VAT1L: variants seen among roughly 807,000 people sequenced by gnomAD.
VAT1L encodes putative NADPH-dependent quinone oxidoreductase VAT1L.
VAT1L carries 34 observed loss-of-function variants against 44.1 expected under a neutral mutation model. That is an observed-to-expected ratio of 0.77 (90% CI 0.59 to 1.03). The LOEUF (loss-of-function observed/expected upper bound fraction) is 1.03. Ranked by LOEUF, VAT1L falls within the 50% of genes least tolerant of loss-of-function variation. The pLI, the probability that VAT1L is intolerant of heterozygous loss-of-function variation, is 0.00. For synonymous variants in VAT1L, 253 were observed against 202.2 expected (o/e 1.25, Z -2.13); for missense variants, 615 against 538.8 (o/e 1.14, Z -1.40).
intron 1 of VAT1L, among the ~76,000 whole-genome samples, chr16:77,816,150 A>T (rs2016350895): frequency 6.6e-6 from 1 of 152,014 alleles, no homozygotes; most frequent in Non-Finnish European, 1.5e-5. Context: ...AATCAAGTGT[A>T]TGGTTTTCCA....
intron 7 of VAT1L, among the ~76,000 whole-genome samples, chr16:77,954,390 G>A (rs1312307508): frequency 6.6e-6 from 1 of 152,178 alleles, no homozygotes; most frequent in African/African-American, 2.4e-5. Flanking sequence ...ACTTTAGGAA[G>A]CCCAGACAGG....
chr16:77,919,265 A>T lies in VAT1L; in HGVS notation c.1077+34463A>T, dbSNP rs76504848. 3.7e-3 allele frequency among the ~76,000 whole-genome samples: 557 copies of T among 152,344 alleles called. 4 individuals are homozygous for T. The highest frequency in any genetic ancestry group is 5.7e-3 in the Non-Finnish European group (391 of 68,034). On this transcript the variant is annotated intron_variant, in intron 7 of 8. Coordinates refer to ENST00000302536, the MANE Select transcript of VAT1L (RefSeq NM_020927.3). ...GCCCCTTGTGCTTCCTGATTTGCAAACCAGACCGGTGCCTTTCATTGACAG... is the reference window on the plus strand; with the variant it reads ...GCCCCTTGTGCTTCCTGATTTGCAATCCAGACCGGTGCCTTTCATTGACAG...
chr16:77,849,752 G>A (rs79498874), intron 3 of VAT1L, among the ~76,000 whole-genome samples: 1 of 152,140 alleles, frequency 6.6e-6, no homozygotes, highest in African/African-American at 2.4e-5. Context: ...TTCCCTACAA[G>A]ACTGACAGTT....
chr16:77,930,704 A>G (rs1162164710), intron 7 of VAT1L, among the ~76,000 whole-genome samples: 2 of 152,174 alleles, frequency 1.3e-5, no homozygotes, highest in African/African-American at 4.8e-5. Context: ...GAAAACCTTC[A>G]GTCTTCTTCC....
intron 3 of VAT1L, among the ~76,000 whole-genome samples, chr16:77,839,534 T>TCTA (rs1555513711): frequency 1.5e-3 from 13 of 8,576 alleles, no homozygotes; most frequent in Non-Finnish European, 2.2e-3. Flanking sequence ...ATACTCCATA[T>TCTA]CAAAAAAAAA....
intron 1 of VAT1L, among the ~76,000 whole-genome samples, chr16:77,808,764 T>A (rs547864826): frequency 6.6e-6 from 1 of 152,074 alleles, no homozygotes; most frequent in East Asian, 1.9e-4. Context: ...CCTGGCTAAT[T>A]TTTTGTATTT....
chr16:77,839,639 T>C (rs556278782), intron 3 of VAT1L, among the ~76,000 whole-genome samples: 12 of 126,722 alleles, frequency 9.5e-5, no homozygotes, highest in African/African-American at 3.7e-4. Flanking sequence ...AGAAGGAGAA[T>C]AGAGAAAGAA....
intron 4 of VAT1L, among the ~76,000 whole-genome samples, chr16:77,869,652 G>A (rs2017010056): frequency 6.6e-6 from 1 of 152,080 alleles, no homozygotes; most frequent in South Asian, 2.1e-4. Context: ...CTGGGCAACA[G>A]AACAAGACCC....
chr16:77,966,482 G>A (rs1172176256), intron 7 of VAT1L, among the ~76,000 whole-genome samples: 1 of 152,180 alleles, frequency 6.6e-6, no homozygotes, highest in Non-Finnish European at 1.5e-5. Flanking sequence ...AGAGCCCAGT[G>A]AACTTCAGAT....
At chr16:77,966,945 A>C (rs1346580754) in intron 7 of VAT1L, among the ~76,000 whole-genome samples, 1 of 150,636 alleles carries the variant, frequency 6.6e-6, no homozygotes, top group Non-Finnish European at 1.5e-5. Flanking sequence ...AAAAAAAAAA[A>C]AAAAAAAAAA....
In VAT1L at chr16:77,862,839, CTG is replaced by C. The variant is rs773806133; in HGVS notation, c.674_675del (p.Val225AspfsTer5). On this transcript the variant is annotated frameshift_variant, in exon 4 of 9. Coordinates refer to ENST00000302536, the MANE Select transcript of VAT1L (RefSeq NM_020927.3). LOFTEE classifies it high-confidence loss of function. ...TTCAAGCATGAAGCAATCAAAGACT[CTG>C]TGACCCACCTCTTTGACAGAAATGC... The C allele has an allele frequency of 5.0e-6, 8 of 1,614,056 alleles. No homozygotes were observed. The highest frequency in any genetic ancestry group is 6.8e-6 in the Non-Finnish European group (8 of 1,179,992).
At chr16:77,944,853 G>A (rs1597113770) in intron 7 of VAT1L, among the ~76,000 whole-genome samples, 1 of 152,120 alleles carries the variant, frequency 6.6e-6, no homozygotes, top group African/African-American at 2.4e-5. Flanking sequence ...TGAACGGCAA[G>A]AAAGGAAAAG....
intron 4 of VAT1L, among the ~76,000 whole-genome samples, chr16:77,864,946 T>A (rs2016956133): frequency 6.7e-6 from 1 of 150,062 alleles, no homozygotes; most frequent in Non-Finnish European, 1.5e-5. Flanking sequence ...GTTCCATAGC[T>A]CTCAGGTAAT....
intron 3 of VAT1L, among the ~76,000 whole-genome samples, chr16:77,828,852 C>A (rs1009567947): frequency 6.6e-6 from 1 of 152,060 alleles, no homozygotes; most frequent in Non-Finnish European, 1.5e-5. Flanking sequence ...GGAATACAAC[C>A]CTGCTAAGAC....
At chr16:77,793,367 G>A (rs559251473) in intron 1 of VAT1L, among the ~76,000 whole-genome samples, 2 of 152,206 alleles carry the variant, frequency 1.3e-5, no homozygotes, top group South Asian at 2.1e-4. Flanking sequence ...AAGCAGAAGG[G>A]GCACTATTTA....
intron 7 of VAT1L, among the ~76,000 whole-genome samples, chr16:77,944,446 A>G (rs2017934065): frequency 6.6e-6 from 1 of 152,186 alleles, no homozygotes; most frequent in Non-Finnish European, 1.5e-5. Flanking sequence ...GCATGACAGA[A>G]TAGATTTTTA....
rs116335153 is a variant in VAT1L, at chr16:77,963,468, G to A, written c.1078-8382G>A. On this transcript the variant is annotated intron_variant, in intron 7 of 8. Coordinates refer to ENST00000302536, the MANE Select transcript of VAT1L (RefSeq NM_020927.3). ...ATGCAGGAAGGAATGCAGCCCTGCCGGAGCCTTGATGTTAACCCTGTAAAA... is the reference window on the plus strand; with the variant it reads ...ATGCAGGAAGGAATGCAGCCCTGCCAGAGCCTTGATGTTAACCCTGTAAAA... Among the ~76,000 whole-genome samples the A allele has an allele frequency of 7.8e-3, 1,183 of 152,204 alleles. 17 individuals carry two copies. Among genetic ancestry groups the A allele is most frequent in the African/African-American group, 0.026 (1,080 of 41,534 alleles).
intron 2 of VAT1L, among the ~76,000 whole-genome samples, chr16:77,824,157 CA>C (rs1362315956): frequency 6.6e-6 from 1 of 152,182 alleles, no homozygotes; most frequent in Non-Finnish European, 1.5e-5. Flanking sequence ...AGAAGTTTGC[CA>C]GGTGAAAGGT....
intron 7 of VAT1L, among the ~76,000 whole-genome samples, chr16:77,932,987 G>A (rs2017750025): frequency 6.6e-6 from 1 of 152,152 alleles, no homozygotes; most frequent in Non-Finnish European, 1.5e-5. Flanking sequence ...CATTTCATTG[G>A]CTAGAACTGA....
Sources: allele counts gnomAD v4.1 joint callset (sites outside exome capture counted in the v4.1 genomes callset), GRCh38; gene constraint gnomAD v4.1.1; transcripts MANE v1.5; gene names NCBI Gene and HGNC (gene_info 2026-07-23, HGNC 2026-07-21).